GDA: variants seen among roughly 807,000 people sequenced by gnomAD.
The protein encoded by GDA is guanine deaminase, also known as cytoplasmic PSD-95 interactor.
A neutral mutation model predicts 59.6 loss-of-function variants in GDA; 18 were observed. The ratio of observed to expected loss-of-function variants is 0.30; its 90% CI spans 0.21 to 0.45. The LOEUF (loss-of-function observed/expected upper bound fraction) is 0.45, where lower values mean the gene tolerates loss of function less well. Ranked by LOEUF, GDA falls within the 20% of genes least tolerant of loss-of-function variation. The pLI, the probability that GDA is intolerant of heterozygous loss-of-function variation, is 1.00. For missense variants in GDA, 427 were observed against 552.3 expected, an observed-to-expected ratio of 0.77 and a Z score of 2.27; for synonymous variants, 201 against 201.1, an observed-to-expected ratio of 1.00 and a Z score of 0.00.
intron 1 of GDA, among the ~76,000 whole-genome samples, chr9:72,176,844 G>A (rs1163257391): frequency 2.0e-5 from 3 of 151,958 alleles, no homozygotes; most frequent in Admixed American, 6.6e-5. Context: ...GCTTCCTCTC[G>A]TGTTTTAATT....
At chr9:72,259,269 C>T (rs1484789295), downstream of GDA, among the ~76,000 whole-genome samples, 2 of 152,096 alleles carry the variant, frequency 1.3e-5, no homozygotes, top group African/African-American at 4.8e-5. Flanking sequence ...GTGATCCTCC[C>T]ACCTCGGCCT....
intron 1 of GDA, among the ~76,000 whole-genome samples, chr9:72,172,005 A>G (rs1319802984): frequency 1.3e-5 from 2 of 152,222 alleles, no homozygotes; most frequent in African/African-American, 2.4e-5. Flanking sequence ...TACATGCTAC[A>G]TGAGTTGATA....
intron 1 of GDA, among the ~76,000 whole-genome samples, chr9:72,156,664 C>G (rs1276935105): frequency 1.3e-5 from 2 of 152,152 alleles, no homozygotes; most frequent in Non-Finnish European, 2.9e-5. Flanking sequence ...TTATTAACAC[C>G]TGAATTTGAT....
intron 1 of GDA, among the ~76,000 whole-genome samples, chr9:72,169,610 A>C (rs1829725346): frequency 6.6e-6 from 1 of 152,212 alleles, no homozygotes; most frequent in African/African-American, 2.4e-5. Flanking sequence ...TTTGTAAATC[A>C]AACTGTGGAC....
At chr9:72,178,444 T>C (rs1830789774) in intron 1 of GDA, among the ~76,000 whole-genome samples, 1 of 134,956 alleles carries the variant, frequency 7.4e-6, no homozygotes, top group Non-Finnish European at 1.6e-5. Flanking sequence ...TGAGATGGAG[T>C]TTCACTCTTG....
intron 10 of GDA, among the ~76,000 whole-genome samples, chr9:72,231,719 C>A (rs1838375102): frequency 6.6e-6 from 1 of 152,086 alleles, no homozygotes. Flanking sequence ...AAGTCCTTGA[C>A]TTTTGTTTTG....
chr9:72,158,167 A>G (rs1293808589), intron 1 of GDA, among the ~76,000 whole-genome samples: 1 of 152,136 alleles, frequency 6.6e-6, no homozygotes, highest in Non-Finnish European at 1.5e-5. Flanking sequence ...TTTTTCATAT[A>G]TTTCAAATCA....
At chr9:72,159,725 T>G (rs1406568557) in intron 1 of GDA, among the ~76,000 whole-genome samples, 1 of 152,236 alleles carries the variant, frequency 6.6e-6, no homozygotes, top group Non-Finnish European at 1.5e-5. Context: ...GAAGAAGATA[T>G]TAAAATAAAA....
chr9:72,235,961 C>T (rs1026597975), intron 10 of GDA, among the ~76,000 whole-genome samples: 1 of 152,142 alleles, frequency 6.6e-6, no homozygotes, highest in Admixed American at 6.6e-5. Flanking sequence ...GGAGCCAGTG[C>T]CTCACTTTTC....
intron 11 of GDA, among the ~76,000 whole-genome samples, chr9:72,242,480 T>C (rs1401125952): frequency 6.6e-6 from 1 of 152,154 alleles, no homozygotes; most frequent in African/African-American, 2.4e-5. Context: ...TAGTGAGAAA[T>C]TAAAATGTAG....
chr9:72,237,771 G>A (rs562071018), intron 10 of GDA, among the ~76,000 whole-genome samples: 2 of 152,070 alleles, frequency 1.3e-5, no homozygotes, highest in South Asian at 4.2e-4. Context: ...TTGCTAACTG[G>A]AAACTTGATC....
At chr9:72,153,623 A>G (rs1827507618) in intron 1 of GDA, among the ~76,000 whole-genome samples, 1 of 151,470 alleles carries the variant, frequency 6.6e-6, no homozygotes, top group Non-Finnish European at 1.5e-5. Flanking sequence ...AATGTGGCAC[A>G]TATACACCAT....
At chr9:72,206,451 A>G (rs926711764) in intron 3 of GDA, among the ~76,000 whole-genome samples, 1 of 152,020 alleles carries the variant, frequency 6.6e-6, no homozygotes, top group African/African-American at 2.4e-5. Context: ...ATTTAATTCC[A>G]GTTTTTTATT....
intron 2 of GDA, among the ~76,000 whole-genome samples, chr9:72,199,817 C>T (rs1284293585): frequency 6.6e-6 from 1 of 151,916 alleles, no homozygotes; most frequent in Non-Finnish European, 1.5e-5. Context: ...TCCTGGGTTC[C>T]CTCTACCCTC....
At chr9:72,239,921 G>T (rs1398695769) in intron 10 of GDA, among the ~76,000 whole-genome samples, 1 of 152,070 alleles carries the variant, frequency 6.6e-6, no homozygotes, top group Non-Finnish European at 1.5e-5. Flanking sequence ...CAATTATTTT[G>T]TTTTGGCAAC....
intron 2 of GDA, among the ~76,000 whole-genome samples, chr9:72,200,531 A>G (rs1260729011): frequency 6.6e-6 from 1 of 150,810 alleles, no homozygotes; most frequent in East Asian, 1.9e-4. Flanking sequence ...GTCTTTGACG[A>G]CAATATGCCT....
Position 72,249,793 on chromosome 9 carries a change from A to G in GDA, c.*1451A>G, listed in dbSNP as rs945373124. ...GGGTGACTCTTTAATATTACCTTAT[A>G]GTAGAAACTTTATGTAATATAGCTA... On this transcript the variant is annotated 3_prime_UTR_variant, in exon 14 of 14. Transcript: ENST00000358399. 1 of 859,058 alleles carries G rather than the reference A, an allele frequency of 1.2e-6. No individual in the cohort carries two copies. Among genetic ancestry groups the G allele is most frequent in the African/African-American group, 1.8e-5 (1 of 54,696 alleles). The allele number at this position is 859,058 out of a possible 1,614,324, so 53.2% of individuals were successfully genotyped here.
intron 11 of GDA, among the ~76,000 whole-genome samples, chr9:72,244,813 C>G (rs945699257): frequency 1.3e-5 from 2 of 152,080 alleles, no homozygotes; most frequent in African/African-American, 4.8e-5. Context: ...TTATGTTAAT[C>G]ATCATGTTGC....
At chr9:72,150,357 A>C (rs66931415) in intron 1 of GDA, among the ~76,000 whole-genome samples, 29,326 of 151,684 alleles carry the variant, frequency 0.19, 3,307 homozygotes, top group African/African-American at 0.32. Context: ...ACACACACAC[A>C]CCATAGCCAT....
Sources: allele counts gnomAD v4.1 joint callset (sites outside exome capture counted in the v4.1 genomes callset), GRCh38; gene constraint gnomAD v4.1.1; transcripts MANE v1.5; gene names NCBI Gene and HGNC (gene_info 2026-07-23, HGNC 2026-07-21).